The following CPEB3 variants were observed in gnomAD, a reference collection of about 807,000 sequenced individuals.
CPEB3 encodes cytoplasmic polyadenylation element-binding protein 3.
CPEB3 carries 20 observed loss-of-function variants against 67.2 expected under a neutral mutation model. The observed-to-expected ratio is 0.30, with a 90% CI of 0.21 to 0.43. The LOEUF (loss-of-function observed/expected upper bound fraction) is 0.43, where lower values mean the gene tolerates loss of function less well. Among genes scored for constraint, CPEB3 ranks in the 20% least tolerant of loss-of-function variants. The pLI, the probability that CPEB3 is intolerant of heterozygous loss-of-function variation, is 1.00. For synonymous variants in CPEB3, 376 were observed against 393.1 expected (o/e 0.96, Z 0.51); for missense variants, 746 against 968.6 (o/e 0.77, Z 3.05).
chr10:92,134,064 C>G (rs1405400313), intron 6 of CPEB3, among the ~76,000 whole-genome samples: 3 of 152,152 alleles, frequency 2.0e-5, no homozygotes, highest in Non-Finnish European at 4.4e-5. Context: ...CAATATCATA[C>G]TGAATGGGAA....
intron 1 of CPEB3, among the ~76,000 whole-genome samples, chr10:92,254,554 G>A (rs960447088): frequency 3.9e-5 from 6 of 152,108 alleles, no homozygotes; most frequent in Non-Finnish European, 7.3e-5. Flanking sequence ...GTTAGTCTTG[G>A]GTTAATTCGT....
chr10:92,166,441 G>A (rs1203754731), intron 4 of CPEB3, among the ~76,000 whole-genome samples: 1 of 152,088 alleles, frequency 6.6e-6, no homozygotes, highest in East Asian at 1.9e-4. Context: ...AGATGGCTTG[G>A]AAGTATAAAT....
intron 1 of CPEB3, among the ~76,000 whole-genome samples, chr10:92,285,758 C>T (rs1842501708): frequency 1.3e-5 from 2 of 152,138 alleles, no homozygotes; most frequent in Non-Finnish European, 2.9e-5. Flanking sequence ...TTAATTACTC[C>T]TCTTGCTACA....
rs777747362 is a variant in CPEB3, at chr10:92,071,734, C to CA, written c.1869+9585dup. On this transcript the variant is annotated intron_variant, in intron 9 of 9. Transcript: ENST00000265997. ...TGGGCAACAGAGTAAGACTCCATCT[C>CA]AAAAAAAAAAAAAAAATTTTTTTCT... is the stretch of plus-strand genomic sequence containing the variant. Among the ~76,000 whole-genome samples, 801 of 123,110 alleles carry CA rather than the reference C, an allele frequency of 6.5e-3. 6 individuals are homozygous for CA. The highest frequency in any genetic ancestry group is 0.015 in the African/African-American group (481 of 33,090). The allele number at this position is 123,110 out of a possible 152,430, so 80.8% of individuals were successfully genotyped here.
At chr10:92,095,856 C>G (rs1843848254) in intron 7 of CPEB3, among the ~76,000 whole-genome samples, 1 of 151,592 alleles carries the variant, frequency 6.6e-6, no homozygotes, top group East Asian at 1.9e-4. Flanking sequence ...GTCTGCAAGG[C>G]AGGGTCAGCC....
intron 2 of CPEB3, among the ~76,000 whole-genome samples, chr10:92,200,529 G>C (rs1489844480): frequency 8.8e-6 from 1 of 113,484 alleles, no homozygotes; most frequent in Non-Finnish European, 1.7e-5. Flanking sequence ...TGGGTGACAA[G>C]AGTGAAACTC....
At chr10:92,223,797 G>A (rs960335715) in intron 2 of CPEB3, among the ~76,000 whole-genome samples, 2 of 149,740 alleles carry the variant, frequency 1.3e-5, no homozygotes, top group Non-Finnish European at 1.5e-5. Flanking sequence ...CGCCCAGGCT[G>A]GAGTGCAATG....
At chr10:92,271,181 T>C (rs1262858206) in intron 1 of CPEB3, among the ~76,000 whole-genome samples, 1 of 152,132 alleles carries the variant, frequency 6.6e-6, no homozygotes, top group Non-Finnish European at 1.5e-5. Flanking sequence ...AGACTCTGTC[T>C]CAAAAAACAA....
At chr10:92,058,596 T>TACATAC (rs3046637) in intron 9 of CPEB3, among the ~76,000 whole-genome samples, 3,929 of 100,022 alleles carry the variant, frequency 0.039, 90 homozygotes, top group Non-Finnish European at 0.061. Context: ...TACATACATA[T>TACATAC]ATATATATAT....
chr10:92,176,975 T>C (rs1396798491), intron 4 of CPEB3, among the ~76,000 whole-genome samples: 1 of 152,224 alleles, frequency 6.6e-6, no homozygotes, highest in Admixed American at 6.5e-5. Flanking sequence ...TTTAAAACAA[T>C]ATGAGTTAGT....
chr10:92,263,234 C>A (rs531658666), intron 1 of CPEB3, among the ~76,000 whole-genome samples: 1 of 152,152 alleles, frequency 6.6e-6, no homozygotes, highest in African/African-American at 2.4e-5. Context: ...CACCACCACA[C>A]CTGGCAAATT....
chr10:92,185,929 T>C (rs763939838), intron 3 of CPEB3, among the ~76,000 whole-genome samples: 3 of 152,178 alleles, frequency 2.0e-5, no homozygotes, highest in Non-Finnish European at 4.4e-5. Context: ...ATGTTCCAAA[T>C]AACCAATAAT....
intron 6 of CPEB3, chr10:92,137,082 A>G (rs1284895184): frequency 3.4e-6 from 1 of 292,848 alleles, no homozygotes; most frequent in Non-Finnish European, 6.9e-6. Context: ...CTCAAGCCCT[A>G]TCTGGGACTG....
chr10:92,064,018 A>T (rs1343351999), intron 9 of CPEB3, among the ~76,000 whole-genome samples: 1 of 152,172 alleles, frequency 6.6e-6, no homozygotes, highest in Non-Finnish European at 1.5e-5. Flanking sequence ...ATTGGCAAAA[A>T]ATTGGTAAGT....
intron 1 of CPEB3, among the ~76,000 whole-genome samples, chr10:92,276,468 G>C (rs1370214975): frequency 6.6e-6 from 1 of 151,452 alleles, no homozygotes; most frequent in Non-Finnish European, 1.5e-5. Flanking sequence ...TAGTAGAGAT[G>C]AGGTTTCGCC....
At chr10:92,060,074 CA>C (rs1842280665) in intron 9 of CPEB3, among the ~76,000 whole-genome samples, 1 of 151,922 alleles carries the variant, frequency 6.6e-6, no homozygotes, top group South Asian at 2.1e-4. Flanking sequence ...TAAAAACCCT[CA>C]GCTGAATGCA....
intron 1 of CPEB3, among the ~76,000 whole-genome samples, chr10:92,247,327 C>T (rs1852114185): frequency 6.6e-6 from 1 of 152,204 alleles, no homozygotes; most frequent in South Asian, 2.1e-4. Flanking sequence ...AAGCAATTCT[C>T]CTGCCTCAGC....
chr10:92,186,273 C>G (rs1848685424), intron 3 of CPEB3, among the ~76,000 whole-genome samples: 1 of 151,014 alleles, frequency 6.6e-6, no homozygotes, highest in Non-Finnish European at 1.5e-5. Context: ...ACCTACAGTT[C>G]CAGCTACTCA....
chr10:92,101,402 A>G (rs1188866646), intron 7 of CPEB3, among the ~76,000 whole-genome samples: 3 of 152,110 alleles, frequency 2.0e-5, no homozygotes, highest in Non-Finnish European at 4.4e-5. Flanking sequence ...ATACTGCAGA[A>G]CCATCAGGAC....
Sources: gnomAD v4.1 joint callset for allele counts (sites outside exome capture counted in the v4.1 genomes callset) on GRCh38, gnomAD v4.1.1 for gene constraint, MANE v1.5 for transcripts, NCBI Gene and HGNC (gene_info 2026-07-23, HGNC 2026-07-21) for gene names.